The following CEP350 variants were observed in gnomAD, a reference collection of about 807,000 sequenced individuals.
CEP350 encodes centrosome-associated protein 350.
CEP350 carries 126 observed loss-of-function variants against 331.8 expected under a neutral mutation model. That is an observed-to-expected ratio of 0.38 (90% CI 0.33 to 0.44). The LOEUF (loss-of-function observed/expected upper bound fraction) is 0.44, where lower values mean the gene tolerates loss of function less well. Ranked by LOEUF, CEP350 falls within the 20% of genes least tolerant of loss-of-function variation. CEP350 has a pLI of 1.00. For synonymous variants in CEP350, 1,200 were observed against 1,259.5 expected, an observed-to-expected ratio of 0.95 and a Z score of 1.00; for missense variants, 3,406 against 3,634.6, an observed-to-expected ratio of 0.94 and a Z score of 1.62.
At chr1:180,034,142 C>T in intron 16 of CEP350, 60 bp downstream of exon 16, 1 of 1,512,168 alleles carries the variant, frequency 6.6e-7, no homozygotes, top group Non-Finnish European at 8.9e-7. Flanking sequence ...TTTCTCTCAA[C>T]ATTCCTTTTC....
At chr1:180,104,062 A>AAT (rs1661007554) in intron 37 of CEP350, among the ~76,000 whole-genome samples, 1 of 147,806 alleles carries the variant, frequency 6.8e-6, no homozygotes, top group Non-Finnish European at 1.5e-5. Flanking sequence ...ATATATTTTA[A>AAT]ATATACACAA....
chr1:179,959,959 T>TA, intron 1 of CEP350, among the ~76,000 whole-genome samples: 2 of 152,180 alleles, frequency 1.3e-5, no homozygotes, highest in Non-Finnish European at 2.9e-5. Context: ...CTTAATGTTG[T>TA]CCATAAGTAC....
rs1200350172 is a variant in CEP350, at chr1:180,004,886, G to T, written c.1133-1568G>T. 4.8e-3 allele frequency among the ~76,000 whole-genome samples: 270 copies of T among 55,674 alleles called. 6 individuals carry two copies. Among genetic ancestry groups the T allele is most frequent in the East Asian group, 5.3e-3 (6 of 1,124 alleles). 36.5% of individuals were successfully genotyped at this position (55,674 alleles called of 152,430 possible). A position where few individuals can be genotyped will look rare whatever the true frequency, so the allele number is the denominator to read the frequency against. On this transcript the variant is annotated intron_variant, in intron 7 of 37. Transcript: ENST00000367607. ...GGCAGGCTGGCTGGCTTGCTTGCTT[G>T]CTTGCTTGCTTGCTTGCTTGCTTTC... is the stretch of plus-strand genomic sequence containing the variant.
chr1:180,090,733 T>G lies in CEP350; in HGVS notation c.6445T>G (p.Trp2149Gly). ...CGTCAGATCTGAAACGGCAAAGAATTGGAAATCACTAACAGAGTCAGAACG... is the reference window on the plus strand; with the variant it reads ...CGTCAGATCTGAAACGGCAAAGAATGGGAAATCACTAACAGAGTCAGAACG... The part of the protein sequence containing the change: ...PLHRSETAKN[W>G]KSLTESERSR... The change falls in exon 33 of 38, where the codon TGG (tryptophan) becomes GGG (glycine). Residue 2149 changes from tryptophan to glycine, a missense_variant. This residue lies in a region of CEP350 where 1,415 missense variants were observed against 1,512.3 expected (regional missense o/e 0.94). Coordinates refer to ENST00000367607, the MANE Select transcript of CEP350 (RefSeq NM_014810.5). 1 of 1,553,082 alleles carries G rather than the reference T, an allele frequency of 6.4e-7. No individual in the cohort carries two copies. The highest frequency in any genetic ancestry group is 8.7e-7 in the Non-Finnish European group (1 of 1,147,598).
chr1:180,025,649 C>T (rs938912584), intron 14 of CEP350, among the ~76,000 whole-genome samples: 5 of 152,122 alleles, frequency 3.3e-5, no homozygotes, highest in African/African-American at 1.2e-4. Flanking sequence ...AACACAGGAA[C>T]AGAAAACCAA....
rs1652636915 is a variant in CEP350, at chr1:179,986,222, C to T, written c.41C>T (p.Pro14Leu). ...TCAAAAGAGGTGCCTTTACCAAATC[C>T]AAGGAACTCTCAAAGCAAGGATACT... ...SKSKEVPLPN[P>L]RNSQSKDTVQ... The change falls in exon 2 of 38, where the codon CCA (proline) becomes CTA (leucine). Residue 14 changes from proline (P) to leucine (L), a missense_variant. Transcript: ENST00000367607. 6.4e-7 allele frequency: 1 copy of T among 1,550,930 alleles called. No homozygotes were observed. The highest frequency in any genetic ancestry group is 8.7e-7 in the Non-Finnish European group (1 of 1,146,668).
At chr1:180,015,249 T>TATTC (rs1654899036) in intron 10 of CEP350, among the ~76,000 whole-genome samples, 1 of 151,414 alleles carries the variant, frequency 6.6e-6, no homozygotes, top group Non-Finnish European at 1.5e-5. Flanking sequence ...TTTATTTATT[T>TATTC]ATTTGAGACG....
In CEP350 at chr1:180,065,110, T is replaced by C. The variant is rs1017477015; in HGVS notation, c.5410-5T>C. The C allele has an allele frequency of 1.3e-6, 2 of 1,584,480 alleles. No homozygotes were observed. Among genetic ancestry groups the C allele is most frequent in the East Asian group, 2.3e-5 (1 of 44,164 alleles). On this transcript the variant is annotated splice_region_variant and splice_polypyrimidine_tract_variant and intron_variant, in intron 26 of 37. Transcript: ENST00000367607. ...CAATACAATTTTGCCTCTTTTTGTT[T>C]GCAGGACTCTCATAGTGATGATGAT...
chr1:180,107,914 A>C (rs1049024992), intron 37 of CEP350, among the ~76,000 whole-genome samples: 1 of 152,208 alleles, frequency 6.6e-6, no homozygotes, highest in East Asian at 1.9e-4. Flanking sequence ...TAAATGTATT[A>C]ATTTTTACAT....
At chr1:179,993,459 G>C (rs537748028) in intron 5 of CEP350, among the ~76,000 whole-genome samples, 2 of 152,138 alleles carry the variant, frequency 1.3e-5, no homozygotes, top group African/African-American at 2.4e-5. Flanking sequence ...GTCTTGCTCT[G>C]TTGCCCAGGC....
chr1:179,991,707 G>GTGTGTGTATA lies in CEP350; in HGVS notation c.236-354_236-353insGTGTGTATAT, dbSNP rs1385981536. Among the ~76,000 whole-genome samples, 778 of 96,896 alleles carry GTGTGTGTATA rather than the reference G, an allele frequency of 8.0e-3. 14 individuals carry two copies. Among genetic ancestry groups the GTGTGTGTATA allele is most frequent in the East Asian group, 0.073 (222 of 3,022 alleles). 63.6% of individuals were successfully genotyped at this position (96,896 alleles called of 152,430 possible). ...TGTGTGTGTGTGTGTGTGTGTGTGT[G>GTGTGTGTATA]TATATATATATATATATACATTTTT... On this transcript the variant is annotated intron_variant, in intron 4 of 37. Coordinates refer to ENST00000367607, the MANE Select transcript of CEP350 (RefSeq NM_014810.5).
intron 9 of CEP350, 145 bp downstream of exon 9, chr1:180,012,220 T>C (rs1302552140): frequency 1.4e-6 from 1 of 695,900 alleles, no homozygotes; most frequent in African/African-American, 1.8e-5. Flanking sequence ...AATGTTCTAT[T>C]GGGCTTGGTT....
chr1:180,099,486 C>T (rs551236658), intron 37 of CEP350, among the ~76,000 whole-genome samples: 5 of 152,126 alleles, frequency 3.3e-5, no homozygotes, highest in Non-Finnish European at 5.9e-5. Context: ...TCACTATTAT[C>T]ATTATCCAGA....
chr1:180,033,814 CA>C (rs1326819125), intron 15 of CEP350, 47 bp from the exon 16 acceptor site: 1 of 1,558,420 alleles, frequency 6.4e-7, no homozygotes, highest in Non-Finnish European at 8.8e-7. Context: ...AGCTGGTTTA[CA>C]AAGTACTTTT....
chr1:180,002,856 TG>T (rs1653958772), intron 6 of CEP350, among the ~76,000 whole-genome samples: 2 of 152,170 alleles, frequency 1.3e-5, no homozygotes, highest in Admixed American at 1.3e-4. Flanking sequence ...AGACACATGT[TG>T]TATGATTTGG....
intron 13 of CEP350, among the ~76,000 whole-genome samples, chr1:180,023,559 T>C (rs1382571686): frequency 6.6e-6 from 1 of 152,198 alleles, no homozygotes; most frequent in Non-Finnish European, 1.5e-5. Context: ...ATTATAATGA[T>C]TATAACATCT....
intron 2 of CEP350, among the ~76,000 whole-genome samples, chr1:179,986,730 G>A (rs1276779188): frequency 1.3e-5 from 2 of 152,116 alleles, no homozygotes; most frequent in Non-Finnish European, 1.5e-5. Context: ...GTAGTTGGAG[G>A]AAGTGGAAAT....
At chr1:179,967,173 C>G (rs768466547) in intron 1 of CEP350, among the ~76,000 whole-genome samples, 1 of 151,968 alleles carries the variant, frequency 6.6e-6, no homozygotes, top group Non-Finnish European at 1.5e-5. Flanking sequence ...TGTTATAGAG[C>G]AATAATGATG....
At chr1:180,001,308 G>T (rs1653854389) in intron 6 of CEP350, among the ~76,000 whole-genome samples, 1 of 152,064 alleles carries the variant, frequency 6.6e-6, no homozygotes, top group South Asian at 2.1e-4. Context: ...GCCCAGGCTG[G>T]AGTGCAGTGG....
Sources: allele counts gnomAD v4.1 joint callset (sites outside exome capture counted in the v4.1 genomes callset), GRCh38; gene constraint gnomAD v4.1.1; regional missense constraint gnomAD v4.1.1; transcripts MANE v1.5; gene names NCBI Gene and HGNC (gene_info 2026-07-23, HGNC 2026-07-21).